The following VIT variants were observed in gnomAD, a reference collection of about 807,000 sequenced individuals.
VIT encodes the protein vitrin.
Under a neutral mutation model 78.0 loss-of-function variants are expected in VIT, and 99 were observed. The observed-to-expected ratio is 1.27, with a 90% CI of 1.08 to 1.50. The LOEUF is 1.50. Ranked by LOEUF, VIT falls within the 40% of genes most tolerant of loss-of-function variation. VIT has a pLI of 0.00. For synonymous variants in VIT, 374 were observed against 334.3 expected, an observed-to-expected ratio of 1.12 and a Z score of -1.29; for missense variants, 1,126 against 875.3, an observed-to-expected ratio of 1.29 and a Z score of -3.61.
chr2:36,800,624 C>T (rs983913198), intron 12 of VIT, among the ~76,000 whole-genome samples: 2 of 152,114 alleles, frequency 1.3e-5, no homozygotes, highest in African/African-American at 4.8e-5. Flanking sequence ...CACACACACC[C>T]GCCCTCCTGC....
chr2:36,739,517 G>A (rs1419556703), intron 3 of VIT, among the ~76,000 whole-genome samples: 1 of 152,132 alleles, frequency 6.6e-6, no homozygotes, highest in African/African-American at 2.4e-5. Context: ...TTTTGCCCAG[G>A]AACCCTTGTG....
At chr2:36,773,985 C>G in intron 8 of VIT, 138 bp downstream of exon 8, 1 of 746,836 alleles carries the variant, frequency 1.3e-6, no homozygotes, top group Non-Finnish European at 1.9e-6. Flanking sequence ...AGATGCCACT[C>G]AAGGGCCCAA....
At chr2:36,715,096 C>T (rs1666041902) in intron 1 of VIT, among the ~76,000 whole-genome samples, 1 of 152,206 alleles carries the variant, frequency 6.6e-6, no homozygotes, top group Admixed American at 6.5e-5. Flanking sequence ...GCTACCATCT[C>T]TATGAGGATT....
chr2:36,729,585 G>T (rs1293684138), intron 3 of VIT, 94 bp downstream of exon 3: 3 of 1,267,912 alleles, frequency 2.4e-6, no homozygotes, highest in African/African-American at 1.5e-5. Flanking sequence ...GTTTTGGTTT[G>T]GTTTTTATCT....
intron 1 of VIT, among the ~76,000 whole-genome samples, chr2:36,700,331 G>T (rs796082050): frequency 1.3e-4 from 20 of 152,250 alleles, no homozygotes; most frequent in African/African-American, 4.8e-4. Context: ...AGAAGACAGT[G>T]AAAATCCTGG....
intron 3 of VIT, among the ~76,000 whole-genome samples, chr2:36,740,648 T>C (rs931431419): frequency 6.6e-6 from 1 of 152,162 alleles, no homozygotes; most frequent in African/African-American, 2.4e-5. Context: ...CCAATTTTGC[T>C]AATCTGGTTA....
At chr2:36,737,771 G>A (rs780039789) in intron 3 of VIT, among the ~76,000 whole-genome samples, 9 of 152,164 alleles carry the variant, frequency 5.9e-5, no homozygotes, top group Non-Finnish European at 1.2e-4. Context: ...CAGCTTCTTG[G>A]GTAGGTTTAT....
intron 12 of VIT, among the ~76,000 whole-genome samples, chr2:36,789,856 A>C (rs530816737): frequency 1.3e-5 from 2 of 152,280 alleles, no homozygotes; most frequent in South Asian, 4.1e-4. Context: ...AAGAACTAGC[A>C]CTGGAAGGAG....
intron 3 of VIT, among the ~76,000 whole-genome samples, chr2:36,733,105 G>A (rs66773952): frequency 0.13 from 19,658 of 152,152 alleles, 1,436 homozygotes; most frequent in East Asian, 0.31. Context: ...AATGGGAAGT[G>A]TCTTCATGTG....
rs145633843 is a variant in VIT, at chr2:36,750,015, G to T, written c.276-4906G>T. Among the ~76,000 whole-genome samples, 123 of 152,266 alleles carry T rather than the reference G, an allele frequency of 8.1e-4. 1 individual carries two copies. The East Asian group carries it at 0.019, about 24-fold the overall frequency. On this transcript the variant is annotated intron_variant, in intron 4 of 15. Coordinates refer to ENST00000379242, the MANE Select transcript of VIT (RefSeq NM_053276.4). ...TTTCCCCATTACTGCAGAGGGACGA[G>T]GAGTGAACTGGTTTTTCAAAGGGAA...
chr2:36,801,409 G>C lies in VIT; in HGVS notation c.1162+5G>C. The stretch of plus-strand genomic sequence containing the variant: ...GAGGAGGACTTTCTAATGTAGGTAT[G>C]TGATCCGGATTCAAATTATACTATC... On this transcript the variant is annotated splice_donor_5th_base_variant and intron_variant, in intron 13 of 15. Coordinates refer to ENST00000379242, the MANE Select transcript of VIT (RefSeq NM_053276.4). 1 of 1,600,498 alleles carries C rather than the reference G, an allele frequency of 6.2e-7. No homozygotes were observed. The highest frequency in any genetic ancestry group is 1.1e-5 in the South Asian group (1 of 90,738).
At chr2:36,762,479 C>G (rs1304647701) in intron 6 of VIT, among the ~76,000 whole-genome samples, 2 of 152,178 alleles carry the variant, frequency 1.3e-5, no homozygotes, top group African/African-American at 4.8e-5. Context: ...AGCATTCCAA[C>G]ATAAAAGGGA....
intron 4 of VIT, among the ~76,000 whole-genome samples, chr2:36,751,358 T>A (rs1395779407): frequency 6.6e-6 from 1 of 152,216 alleles, no homozygotes; most frequent in Non-Finnish European, 1.5e-5. Context: ...ATCTCGCCAC[T>A]GCACTCCAGC....
intron 7 of VIT, among the ~76,000 whole-genome samples, chr2:36,768,223 G>A (rs1669550887): frequency 6.6e-6 from 1 of 152,268 alleles, no homozygotes; most frequent in South Asian, 2.1e-4. Context: ...CTTGAGGCCT[G>A]GAGTTCAAGA....
At chr2:36,715,929 A>T (rs1416508737) in intron 1 of VIT, among the ~76,000 whole-genome samples, 4 of 152,212 alleles carry the variant, frequency 2.6e-5, no homozygotes, top group Non-Finnish European at 5.9e-5. Context: ...CTTTCTAACA[A>T]AACGTAGCCA....
intron 7 of VIT, among the ~76,000 whole-genome samples, chr2:36,770,074 G>C (rs1478993667): frequency 6.6e-6 from 1 of 152,156 alleles, no homozygotes; most frequent in Non-Finnish European, 1.5e-5. Flanking sequence ...TTATATATGT[G>C]GCTGTAGGCA....
chr2:36,793,724 G>GTTT (rs1665662750), intron 12 of VIT, among the ~76,000 whole-genome samples: 1 of 151,976 alleles, frequency 6.6e-6, no homozygotes, highest in Non-Finnish European at 1.5e-5. Flanking sequence ...TGAGAAAATA[G>GTTT]AAAAGTTCTT....
At chr2:36,728,194 G>T (rs1303064944) in intron 2 of VIT, among the ~76,000 whole-genome samples, 1 of 151,766 alleles carries the variant, frequency 6.6e-6, no homozygotes, top group Non-Finnish European at 1.5e-5. Context: ...GCCTCCCAAA[G>T]TGCTGGGATT....
At chr2:36,770,395 G>T (rs1278773153) in intron 7 of VIT, among the ~76,000 whole-genome samples, 1 of 152,230 alleles carries the variant, frequency 6.6e-6, no homozygotes, top group African/African-American at 2.4e-5. Context: ...AGAGCGGAAA[G>T]TACATAGCAG....
Sources: allele counts gnomAD v4.1 joint callset (sites outside exome capture counted in the v4.1 genomes callset), GRCh38; gene constraint gnomAD v4.1.1; transcripts MANE v1.5; gene names NCBI Gene and HGNC (gene_info 2026-07-23, HGNC 2026-07-21).